The following MRTFB variants were observed in gnomAD, a reference collection of about 807,000 sequenced individuals.
MRTFB encodes the protein myocardin-related transcription factor B.
Under a neutral mutation model 104.2 loss-of-function variants are expected in MRTFB, and 29 were observed. The ratio of observed to expected loss-of-function variants is 0.28; its 90% confidence interval spans 0.21 to 0.38. MRTFB has a LOEUF of 0.38. Among genes scored for constraint, MRTFB ranks in the 10% least tolerant of loss-of-function variants. The pLI is 1.00. For synonymous variants in MRTFB, 535 were observed against 519.5 expected, an observed-to-expected ratio of 1.03 and a Z score of -0.41; for missense variants, 1,270 against 1,341.6, an observed-to-expected ratio of 0.95 and a Z score of 0.83.
chr16:14,115,455 A>G (rs1277314282), intron 2 of MRTFB, among the ~76,000 whole-genome samples: 1 of 152,216 alleles, frequency 6.6e-6, no homozygotes, highest in Non-Finnish European at 1.5e-5. Context: ...TGAACAAATA[A>G]TCATTCAGTA....
At chr16:14,127,919 ATATATATATATTTTTTTTTTTT>A (rs1419496648) in intron 2 of MRTFB, among the ~76,000 whole-genome samples, 2 of 39,322 alleles carry the variant, frequency 5.1e-5, no homozygotes, top group African/African-American at 4.3e-4. Context: ...ATATATATAT[ATATATATATATTTTTTTTTTTT>A]TTTTTTTTTT....
chr16:14,072,677 C>A (rs75923192), intron 1 of MRTFB, among the ~76,000 whole-genome samples: 2 of 152,024 alleles, frequency 1.3e-5, no homozygotes, highest in African/African-American at 2.4e-5. Flanking sequence ...AGAGTGAGGC[C>A]GCTACTTCAG....
At chr16:14,050,470 T>G in the MRTFB span, among the ~76,000 whole-genome samples, 36 of 152,142 alleles carry the variant, frequency 2.4e-4, no homozygotes, top group African/African-American at 8.2e-4. Context: ...CTTCAGCAAT[T>G]CTCCCATCTC....
At chr16:14,183,334 G>A (rs2039831793) in intron 3 of MRTFB, among the ~76,000 whole-genome samples, 1 of 152,120 alleles carries the variant, frequency 6.6e-6, no homozygotes, top group Non-Finnish European at 1.5e-5. Context: ...GATAAGTGAA[G>A]AAAGACTGAG....
chr16:14,025,813 AT>A, the MRTFB span, among the ~76,000 whole-genome samples: 1 of 152,186 alleles, frequency 6.6e-6, no homozygotes, highest in Admixed American at 6.6e-5. Context: ...AAAATGTATC[AT>A]TTTCCCATAT....
intron 3 of MRTFB, among the ~76,000 whole-genome samples, chr16:14,165,185 T>C (rs988774216): frequency 1.3e-5 from 2 of 152,004 alleles, no homozygotes; most frequent in South Asian, 4.2e-4. Context: ...AGTTGCTTGA[T>C]ATATTGCTGC....
chr16:14,068,558 CGTGTTGTTGT>C (rs2033544699), upstream of MRTFB, among the ~76,000 whole-genome samples: 1 of 151,994 alleles, frequency 6.6e-6, no homozygotes, highest in African/African-American at 2.4e-5. Flanking sequence ...TGTGTTGTTG[CGTGTTGTTGT>C]GTGTCGTTGC....
At position 14,252,384 on chromosome 16, in the gene MRTFB, C is replaced by G; in HGVS notation, c.2585C>G (p.Pro862Arg). Residue 862 changes from proline to arginine, a missense_variant, in exon 15 of 17, where the codon CCC (proline) becomes CGC (arginine). By Grantham distance (103) the Pro-to-Arg change is moderately radical. Transcript: ENST00000571589. Reference sequence around the variant, plus strand: ...ACACAGCCTAGTTCACCCCCGCCACCCCAGCAATTTGTCGTCCAGCACTCT... The same window carrying G: ...ACACAGCCTAGTTCACCCCCGCCACGCCAGCAATTTGTCGTCCAGCACTCT... ...TPNKPSSPPPPQQFVVQHSLF... is the reference protein window; with the variant it reads ...TPNKPSSPPPRQQFVVQHSLF... 1.2e-6 allele frequency: 2 copies of G among 1,613,612 alleles called. No homozygotes were observed. Among genetic ancestry groups the G allele is most frequent in the South Asian group, 1.1e-5 (1 of 90,986 alleles).
chr16:14,122,274 A>T (rs1402384838), intron 2 of MRTFB, among the ~76,000 whole-genome samples: 1 of 151,352 alleles, frequency 6.6e-6, no homozygotes, highest in African/African-American at 2.4e-5. Context: ...ATTTCAGTGG[A>T]ATTAATGTAC....
intron 8 of MRTFB, among the ~76,000 whole-genome samples, chr16:14,231,438 G>A (rs1032614974): frequency 3.3e-5 from 5 of 149,822 alleles, no homozygotes; most frequent in South Asian, 4.2e-4. Flanking sequence ...TGTTATATTC[G>A]TAAATTGTGT....
chr16:14,062,649 C>T, the MRTFB span, among the ~76,000 whole-genome samples: 1 of 152,178 alleles, frequency 6.6e-6, no homozygotes, highest in Admixed American at 6.5e-5. Flanking sequence ...GAAACGCGAG[C>T]TGGTTTAAGC....
intron 2 of MRTFB, among the ~76,000 whole-genome samples, chr16:14,091,404 G>C (rs1259143063): frequency 6.6e-6 from 1 of 152,182 alleles, no homozygotes; most frequent in Non-Finnish European, 1.5e-5. Context: ...GGGATTAGAA[G>C]TGGTACATCA....
In MRTFB at chr16:14,090,071, A is replaced by G. The variant is rs373477512; in HGVS notation, c.-64+10717A>G. Among the ~76,000 whole-genome samples, 56 of 151,982 alleles carry G rather than the reference A, an allele frequency of 3.7e-4. No homozygotes were observed. In the East Asian group the frequency reaches 0.01, roughly 28 times the overall value. On this transcript the variant is annotated intron_variant, in intron 2 of 16. Transcript: ENST00000571589. ...CCTTATCAGATATATGAATTGTAAG[A>G]TTTTCTCTCCCATTTTGTGATTGTC...
At chr16:14,221,233 C>CAAAA (rs2041688108) in intron 8 of MRTFB, among the ~76,000 whole-genome samples, 4 of 152,132 alleles carry the variant, frequency 2.6e-5, no homozygotes, top group East Asian at 1.9e-4. Context: ...AAATTTTATA[C>CAAAA]TTTATTTTCA....
At chr16:14,120,968 A>G (rs746618128) in intron 2 of MRTFB, among the ~76,000 whole-genome samples, 5 of 152,214 alleles carry the variant, frequency 3.3e-5, no homozygotes, top group Non-Finnish European at 5.9e-5. Flanking sequence ...AAGGGTCTCA[A>G]GAAGTTATTT....
At chr16:13,998,983 A>C in the MRTFB span, among the ~76,000 whole-genome samples, 2 of 148,484 alleles carry the variant, frequency 1.3e-5, no homozygotes, top group African/African-American at 2.5e-5. Context: ...GCCTGAGCTC[A>C]GTTCAAGACC....
chr16:14,233,645 C>T (rs947477787), intron 8 of MRTFB, among the ~76,000 whole-genome samples: 2 of 151,864 alleles, frequency 1.3e-5, no homozygotes, highest in African/African-American at 2.4e-5. Flanking sequence ...CAAAAACTAG[C>T]GGAGTGTGGT....
At chr16:14,180,918 G>A (rs1344047605) in intron 3 of MRTFB, among the ~76,000 whole-genome samples, 1 of 152,182 alleles carries the variant, frequency 6.6e-6, no homozygotes, top group Non-Finnish European at 1.5e-5. Flanking sequence ...CAATTCTGCT[G>A]CAGTGCTTAA....
At chr16:14,161,475 AAAGAT>A (rs2039035871) in intron 3 of MRTFB, among the ~76,000 whole-genome samples, 1 of 152,214 alleles carries the variant, frequency 6.6e-6, no homozygotes, top group South Asian at 2.1e-4. Flanking sequence ...TCCAACTATA[AAAGAT>A]AAGATAGTAA....
Sources: gnomAD v4.1 joint callset for allele counts (sites outside exome capture counted in the v4.1 genomes callset) on GRCh38, gnomAD v4.1.1 for gene constraint, MANE v1.5 for transcripts, NCBI Gene and HGNC (gene_info 2026-07-23, HGNC 2026-07-21) for gene names.